CACNA2D1: variants seen among roughly 807,000 people sequenced by gnomAD.
CACNA2D1 encodes voltage-dependent calcium channel subunit alpha-2/delta-1.
In CACNA2D1, 53 loss-of-function variants were observed where a neutral mutation model predicts 171.5. The observed-to-expected ratio is 0.31, with a 90% confidence interval of 0.25 to 0.39. The LOEUF (loss-of-function observed/expected upper bound fraction) is 0.39. Among genes scored for constraint, CACNA2D1 ranks in the 10% least tolerant of loss-of-function variants. The pLI is 1.00. For missense variants in CACNA2D1, 903 were observed against 1,299.8 expected (o/e 0.69, Z 4.69); for synonymous variants, 442 against 443.1 (o/e 1.00, Z 0.03).
At chr7:82,389,123 T>C (rs1824776808) in intron 1 of CACNA2D1, among the ~76,000 whole-genome samples, 2 of 144,712 alleles carry the variant, frequency 1.4e-5, no homozygotes, top group South Asian at 2.1e-4. Flanking sequence ...CTCAAAATAA[T>C]AATAATTAGT....
At chr7:82,354,821 C>T (rs368037809) in intron 1 of CACNA2D1, among the ~76,000 whole-genome samples, 2 of 152,094 alleles carry the variant, frequency 1.3e-5, no homozygotes, top group Non-Finnish European at 1.5e-5. Flanking sequence ...GGGGCAGATA[C>T]CAGCAGGTGA....
At chr7:82,197,659 C>T (rs899473266) in intron 3 of CACNA2D1, among the ~76,000 whole-genome samples, 1 of 152,016 alleles carries the variant, frequency 6.6e-6, no homozygotes, top group African/African-American at 2.4e-5. Context: ...GTGGCATGTG[C>T]CTCAGGGACG....
intron 24 of CACNA2D1, among the ~76,000 whole-genome samples, chr7:81,981,639 G>A (rs1796452772): frequency 6.6e-6 from 1 of 152,026 alleles, no homozygotes; most frequent in African/African-American, 2.4e-5. Context: ...AGATTAATAG[G>A]AATTATATTT....
chr7:82,031,857 A>G (rs1802739522), intron 12 of CACNA2D1, among the ~76,000 whole-genome samples: 1 of 152,010 alleles, frequency 6.6e-6, no homozygotes, highest in East Asian at 1.9e-4. Flanking sequence ...CAAAATGGTG[A>G]AAATTCCAAT....
rs1168356431 is a variant in CACNA2D1 at position 81,947,257 on chromosome 7, T to A, written c.*3135A>T. ...AGGGATACTGCCTATTTGAACCCGA[T>A]AAGTCCAGTTTTAAAGTTAATAAAA... On this transcript the variant is annotated 3_prime_UTR_variant, in exon 39 of 39. Coordinates refer to ENST00000356860, the MANE Select transcript of CACNA2D1 (RefSeq NM_000722.4). The A allele has an allele frequency of 1.3e-5, 2 of 151,354 alleles. No individual in the cohort carries two copies. Among genetic ancestry groups the A allele is most frequent in the Non-Finnish European group, 2.9e-5 (2 of 67,802 alleles). The allele number at this position is 151,354 out of a possible 1,614,324, so 9.4% of individuals were successfully genotyped here.
chr7:82,026,750 A>G (rs7797314), intron 12 of CACNA2D1, among the ~76,000 whole-genome samples: 30,139 of 151,678 alleles, frequency 0.2, 3,295 homozygotes, highest in African/African-American at 0.3. Flanking sequence ...ATTTGAAGCC[A>G]TATTTGAAGA....
At chr7:82,369,026 G>C (rs1473505934) in intron 1 of CACNA2D1, among the ~76,000 whole-genome samples, 1 of 151,670 alleles carries the variant, frequency 6.6e-6, no homozygotes, top group Non-Finnish European at 1.5e-5. Flanking sequence ...ATTTTTTTCT[G>C]CTGGGAATGT....
At chr7:82,212,830 A>C (rs922673329) in intron 3 of CACNA2D1, among the ~76,000 whole-genome samples, 2 of 152,148 alleles carry the variant, frequency 1.3e-5, no homozygotes, top group African/African-American at 4.8e-5. Context: ...TATTGCCTTG[A>C]TAGATTTAAG....
intron 3 of CACNA2D1, among the ~76,000 whole-genome samples, chr7:82,256,885 T>C (rs887183690): frequency 6.6e-6 from 1 of 152,230 alleles, no homozygotes; most frequent in African/African-American, 2.4e-5. Flanking sequence ...TAATACTTGG[T>C]ACTTTCTGTG....
At chr7:82,185,124 G>A (rs1797530637) in intron 3 of CACNA2D1, among the ~76,000 whole-genome samples, 1 of 152,132 alleles carries the variant, frequency 6.6e-6, no homozygotes, top group South Asian at 2.1e-4. Flanking sequence ...ATGAATAGGA[G>A]TAATTTCTTC....
In CACNA2D1 at chr7:82,109,967, G is replaced by GT. The variant is rs533256715; in HGVS notation, c.526+7076dup. On this transcript the variant is annotated intron_variant, in intron 6 of 38. Coordinates refer to ENST00000356860, the MANE Select transcript of CACNA2D1 (RefSeq NM_000722.4). ...AAACCCTGATGAAGTGAATGACGTC[G>GT]TTTTTTACCCCAGGATTGTACATGT... 8.7e-4 allele frequency among the ~76,000 whole-genome samples: 132 copies of GT among 152,214 alleles called. 2 individuals are homozygous for GT. Among genetic ancestry groups the GT allele is most frequent in the African/African-American group, 3.0e-3 (126 of 41,548 alleles).
At chr7:82,394,302 A>C (rs1825541567) in intron 1 of CACNA2D1, among the ~76,000 whole-genome samples, 1 of 152,176 alleles carries the variant, frequency 6.6e-6, no homozygotes, top group South Asian at 2.1e-4. Context: ...AGGAAAAAGA[A>C]GAAAGAGAAA....
intron 27 of CACNA2D1, 120 bp downstream of exon 27, chr7:81,970,555 C>T (rs1278042813): frequency 1.4e-6 from 1 of 734,630 alleles, no homozygotes; most frequent in Non-Finnish European, 2.6e-6. Flanking sequence ...AACAATGGCT[C>T]CAATGTAATC....
In CACNA2D1 at chr7:82,344,157, C is replaced by G. The variant is rs114695588; in HGVS notation, c.177+5411G>C. Reference sequence around the variant, plus strand: ...GGATGTTTAAAAGCCTCATTGGCCTCTATGCCAACAGTATGCACGTAGCAA... The same window carrying G: ...GGATGTTTAAAAGCCTCATTGGCCTGTATGCCAACAGTATGCACGTAGCAA... On this transcript the variant is annotated intron_variant, in intron 2 of 38. Coordinates refer to ENST00000356860, the MANE Select transcript of CACNA2D1 (RefSeq NM_000722.4). Among the ~76,000 whole-genome samples, 1,201 of 152,306 alleles carry G rather than the reference C, an allele frequency of 7.9e-3. 20 individuals carry two copies. The highest frequency in any genetic ancestry group is 0.026 in the African/African-American group (1,092 of 41,564).
At chr7:81,950,971 TTA>T (rs1264558418) in intron 38 of CACNA2D1, among the ~76,000 whole-genome samples, 1 of 152,086 alleles carries the variant, frequency 6.6e-6, no homozygotes, top group Non-Finnish European at 1.5e-5. Context: ...CTTATACAAT[TTA>T]TAAGGCTCAA....
chr7:82,137,707 T>TAAAAAATA (rs1791811785), intron 4 of CACNA2D1, among the ~76,000 whole-genome samples: 1 of 78,844 alleles, frequency 1.3e-5, no homozygotes, highest in Non-Finnish European at 2.4e-5. Flanking sequence ...CCGTCTCTAC[T>TAAAAAATA]AAAAAAAAAA....
intron 3 of CACNA2D1, among the ~76,000 whole-genome samples, chr7:82,242,665 G>A (rs540010656): frequency 2.0e-5 from 3 of 152,014 alleles, no homozygotes; most frequent in Non-Finnish European, 2.9e-5. Context: ...TCAGAAAATC[G>A]AATAACACAG....
At position 81,969,806 on chromosome 7, in the gene CACNA2D1, G is replaced by A. The variant is rs188655881; in HGVS notation, c.2308+75C>T. On this transcript the variant is annotated intron_variant, in intron 28 of 38. Coordinates refer to ENST00000356860, the MANE Select transcript of CACNA2D1 (RefSeq NM_000722.4). ...TAGTTAACATAAAATGTAGTGATTT[G>A]GGGGGAGAGCAGATAGTAGCAGTAA... is the stretch of plus-strand genomic sequence containing the variant. The A allele has an allele frequency of 2.4e-5, 19 of 802,922 alleles. No individual in the cohort carries two copies. In the East Asian group the frequency reaches 5.0e-4, roughly 21 times the overall value. 49.7% of individuals were successfully genotyped at this position (802,922 alleles called of 1,614,324 possible). A position where few individuals can be genotyped will look rare whatever the true frequency, so the allele number is the denominator to read the frequency against.
At position 81,950,402 on chromosome 7, in the gene CACNA2D1, C is replaced by A. The variant is rs143631985; in HGVS notation, c.3266G>T (p.Arg1089Leu). The A allele has an allele frequency of 1.7e-5, 28 of 1,612,930 alleles. No homozygotes were observed. The highest frequency in any genetic ancestry group is 2.2e-5 in the Non-Finnish European group (26 of 1,179,476). Residue 1089 changes from arginine to leucine, a missense_variant, in exon 39 of 39, where the codon CGC becomes CTC. Arg to Leu is a moderately radical substitution (Grantham distance 102). Transcript: ENST00000356860. ...LLWLVSGSTHRLL is the reference protein window; with the variant it reads ...LLWLVSGSTHLLL ...TTGGTTTTTAGAAGGTCATAACAGG[C>A]GGTGTGTGCTGCCAGATACCAGCCA...
Sources: gnomAD v4.1 joint callset for allele counts (sites outside exome capture counted in the v4.1 genomes callset) on GRCh38, gnomAD v4.1.1 for gene constraint, MANE v1.5 for transcripts, NCBI Gene and HGNC (gene_info 2026-07-23, HGNC 2026-07-21) for gene names.